Variants in KNTC1 observed in about 807,000 individuals in gnomAD.
KNTC1 encodes kinetochore associated 1.
KNTC1 carries 253 observed loss-of-function variants against 314.4 expected under a neutral mutation model. The observed-to-expected ratio is 0.80, with a 90% confidence interval of 0.73 to 0.89. The LOEUF is 0.89. KNTC1 is among the 40% of genes least tolerant of loss of function. The probability of loss-of-function intolerance (pLI) is 0.00; values close to 1 mark genes in which losing one functional copy is unlikely to be tolerated. For synonymous variants in KNTC1, 901 were observed against 901.4 expected, an observed-to-expected ratio of 1.00 and a Z score of 0.01; for missense variants, 2,475 against 2,572.9, an observed-to-expected ratio of 0.96 and a Z score of 0.82.
chr12:122,535,616 C>G (rs1189780191), intron 3 of KNTC1, among the ~76,000 whole-genome samples: 1 of 151,822 alleles, frequency 6.6e-6, no homozygotes, highest in African/African-American at 2.4e-5. Flanking sequence ...ACACTCCAGC[C>G]TGGGTGACAG....
chr12:122,556,881 T>C (rs1286653093), intron 16 of KNTC1, among the ~76,000 whole-genome samples: 1 of 151,748 alleles, frequency 6.6e-6, no homozygotes, highest in Admixed American at 6.6e-5. Flanking sequence ...CCTTCAGGTT[T>C]ATCTGTGTTG....
At chr12:122,548,397 A>T (rs1334861409) in intron 12 of KNTC1, among the ~76,000 whole-genome samples, 5 of 151,900 alleles carry the variant, frequency 3.3e-5, no homozygotes, top group Non-Finnish European at 7.4e-5. Context: ...TTTAGTAGAG[A>T]TGGGGTTTCA....
intron 57 of KNTC1, chr12:122,617,619 T>C (rs182339483): frequency 5.1e-6 from 1 of 195,136 alleles, no homozygotes; most frequent in African/African-American, 2.3e-5. Context: ...GGATTAATTT[T>C]CTTTTCTGAG....
At chr12:122,601,747 AT>A in intron 45 of KNTC1, 122 bp downstream of exon 45, 2 of 1,007,946 alleles carry the variant, frequency 2.0e-6, no homozygotes, top group Non-Finnish European at 2.6e-6. Flanking sequence ...TCTGTGGTTT[AT>A]TTTAGGTTTT....
intron 63 of KNTC1, among the ~76,000 whole-genome samples, chr12:122,625,409 A>T (rs909779120): frequency 1.3e-5 from 2 of 151,886 alleles, no homozygotes; most frequent in Non-Finnish European, 2.9e-5. Flanking sequence ...TCTCCAAAAA[A>T]AAAATATATT....
chr12:122,572,454 C>T (rs1033774851), intron 24 of KNTC1, among the ~76,000 whole-genome samples: 4 of 152,066 alleles, frequency 2.6e-5, no homozygotes, highest in African/African-American at 9.7e-5. Context: ...TATTAGTTTT[C>T]AAAGGTTGTG....
intron 59 of KNTC1, chr12:122,620,168 C>CAAA (rs10719316): frequency 9.1e-5 from 9 of 99,444 alleles, no homozygotes; most frequent in South Asian, 2.6e-4. Flanking sequence ...GACTGTTTCT[C>CAAA]AAAAAAAAAA....
Position 122,604,935 on chromosome 12 carries a change from G to A in KNTC1, c.5234G>A (p.Arg1745Gln), listed in dbSNP as rs780306479. 5.0e-6 allele frequency: 8 copies of A among 1,610,876 alleles called. No individual in the cohort carries two copies. The highest frequency in any genetic ancestry group is 1.6e-4 in the Middle Eastern group (1 of 6,080). ...AAGAAGCTTCATATCCAGTACCGGC[G>A]ATCGGGCACAGAAGCTGTGCTCATA... Reference protein sequence around the residue: ...LLKKLHIQYRRSGTEAVLIAH... With the variant: ...LLKKLHIQYRQSGTEAVLIAH... Residue 1745 changes from arginine to glutamine, a missense_variant, in exon 50 of 64, where the codon CGA becomes CAA. By Grantham distance (43) the Arg-to-Gln change is conservative. Transcript: ENST00000333479.
chr12:122,565,963 T>TG (rs1438943559), intron 20 of KNTC1, among the ~76,000 whole-genome samples: 1 of 150,672 alleles, frequency 6.6e-6, no homozygotes, highest in Non-Finnish European at 1.5e-5. Flanking sequence ...TTTTTTTTTT[T>TG]TTTTTTTGAG....
intron 16 of KNTC1, among the ~76,000 whole-genome samples, chr12:122,555,903 A>G (rs1963554941): frequency 1.3e-5 from 2 of 152,178 alleles, no homozygotes; most frequent in Non-Finnish European, 1.5e-5. Flanking sequence ...TCGATGTGCA[A>G]TGTGGTGATT....
rs372506657 is a variant in KNTC1 at position 122,575,628 on chromosome 12, T to C, written c.2468T>C (p.Leu823Pro). 1 of 1,592,024 alleles carries C rather than the reference T, an allele frequency of 6.3e-7. No homozygotes were observed. The highest frequency in any genetic ancestry group is 8.6e-7 in the Non-Finnish European group (1 of 1,168,254). Residue 823 changes from leucine to proline, a missense_variant, in exon 28 of 64, where the codon CTG becomes CCG. Leu to Pro is a moderately conservative substitution (Grantham distance 98). Transcript: ENST00000333479. ...GTGGAGCAACTGGTGAAACAGCACC[T>C]GGAAATGGACCATCCCAAGTAAGAT... ...AAVEQLVKQHLEMDHPKVKLL... is the reference protein window; with the variant it reads ...AAVEQLVKQHPEMDHPKVKLL...
rs1868911308 is a variant in KNTC1 at position 122,584,317 on chromosome 12, A to G, written c.3303A>G (p.Lys1101=). ...ATCACTGCAATGCTGACACTGGGAAATTGCTATTTCTGACATGTCAGAAGC... is the reference window on the plus strand; with the variant it reads ...ATCACTGCAATGCTGACACTGGGAAGTTGCTATTTCTGACATGTCAGAAGC... The part of the protein sequence containing the change: ...FKYHCNADTG[K]LLFLTCQKLC... Residue 1101 remains lysine (K), a synonymous_variant, in exon 35 of 64, where the codon AAA becomes AAG. Coordinates refer to ENST00000333479, the MANE Select transcript of KNTC1 (RefSeq NM_014708.6). 7.4e-6 allele frequency: 12 copies of G among 1,613,646 alleles called. No homozygotes were observed. Among genetic ancestry groups the G allele is most frequent in the Non-Finnish European group, 1.0e-5 (12 of 1,179,674 alleles).
chr12:122,604,720 G>C, intron 49 of KNTC1, 83 bp downstream of exon 49: 1 of 1,243,234 alleles, frequency 8.0e-7, no homozygotes, highest in Non-Finnish European at 1.2e-6. Context: ...ATGCTGCCCT[G>C]GTGCCTAAAA....
chr12:122,553,049 C>T (rs183341731), intron 16 of KNTC1, among the ~76,000 whole-genome samples: 47 of 151,680 alleles, frequency 3.1e-4, no homozygotes, highest in African/African-American at 9.4e-4. Flanking sequence ...CCCACCTACT[C>T]GGGAGGCTGA....
At chr12:122,543,457 AT>A in intron 6 of KNTC1, 142 bp from the exon 7 acceptor site, 1 of 605,050 alleles carries the variant, frequency 1.7e-6, no homozygotes, top group Non-Finnish European at 2.9e-6. Context: ...CAGTTAGCGT[AT>A]TTTGGTCAGG....
chr12:122,557,603 G>C lies in KNTC1; in HGVS notation c.1402G>C (p.Asp468His). 1 of 1,613,140 alleles carries C rather than the reference G, an allele frequency of 6.2e-7. No homozygotes were observed. Among genetic ancestry groups the C allele is most frequent in the East Asian group, 2.2e-5 (1 of 44,860 alleles). ...AKENLHKIQD[D>H]EFVVNYCLKA... is the part of the protein sequence containing the mutation. ...GTGTCTGGCATTTGTGAAACAGGATGATGAATTTGTGGTGAATTACTGCCT... is the reference window on the plus strand; with the variant it reads ...GTGTCTGGCATTTGTGAAACAGGATCATGAATTTGTGGTGAATTACTGCCT... Residue 468 changes from aspartate (D) to histidine (H), a missense_variant, in exon 18 of 64, where the codon GAT becomes CAT. By Grantham distance (81) the Asp-to-His change is moderately conservative. Transcript: ENST00000333479.
At chr12:122,607,117 G>A (rs1215092110) in intron 51 of KNTC1, among the ~76,000 whole-genome samples, 1 of 152,134 alleles carries the variant, frequency 6.6e-6, no homozygotes, top group African/African-American at 2.4e-5. Context: ...AGGCTGGAGG[G>A]CAGTGGTACA....
In KNTC1 at chr12:122,601,567, T is replaced by A. The variant is rs757284102; in HGVS notation, c.4595T>A (p.Val1532Asp). Reference protein sequence around the residue: ...LDPYDYEMIEVVLKVIERADE... With the variant: ...LDPYDYEMIEDVLKVIERADE... ...CCTTATGACTATGAAATGATTGAAG[T>A]TGTCTTGAAAGTTATAGAACGAGCT... Residue 1532 changes from valine to aspartate, a missense_variant, in exon 45 of 64, where the codon GTT becomes GAT. Coordinates refer to ENST00000333479, the MANE Select transcript of KNTC1 (RefSeq NM_014708.6). The A allele has an allele frequency of 3.9e-6, 6 of 1,538,776 alleles. No homozygotes were observed. The highest frequency in any genetic ancestry group is 5.3e-6 in the Non-Finnish European group (6 of 1,142,652).
intron 18 of KNTC1, among the ~76,000 whole-genome samples, chr12:122,561,132 T>G (rs769193488): frequency 2.0e-5 from 3 of 151,950 alleles, no homozygotes; most frequent in Non-Finnish European, 2.9e-5. Flanking sequence ...GCCAGTAAGA[T>G]GAAACCCCAT....
Sources: gnomAD v4.1 joint callset for allele counts (sites outside exome capture counted in the v4.1 genomes callset) on GRCh38, gnomAD v4.1.1 for gene constraint, MANE v1.5 for transcripts, NCBI Gene and HGNC (gene_info 2026-07-23, HGNC 2026-07-21) for gene names.